KCNIP1: variants seen among roughly 807,000 people sequenced by gnomAD.
KCNIP1 encodes the protein A-type potassium channel modulatory protein KCNIP1.
KCNIP1 carries 18 observed loss-of-function variants against 33.0 expected under a neutral mutation model. That is an observed-to-expected ratio of 0.55 (90% CI 0.38 to 0.81). The LOEUF is 0.81. Among genes scored for constraint, KCNIP1 ranks in the 30% least tolerant of loss-of-function variants. The pLI is 0.00. For synonymous variants in KCNIP1, 93 were observed against 98.3 expected (o/e 0.95, Z 0.32); for missense variants, 238 against 271.6 (o/e 0.88, Z 0.87).
chr5:170,702,558 C>T (rs572396992), intron 1 of KCNIP1, among the ~76,000 whole-genome samples: 1 of 152,266 alleles, frequency 6.6e-6, no homozygotes, highest in Non-Finnish European at 1.5e-5. Flanking sequence ...TTCCCTCCTG[C>T]CCCCTCAGTA....
At chr5:170,688,381 T>C (rs1762612337) in intron 1 of KCNIP1, among the ~76,000 whole-genome samples, 2 of 152,238 alleles carry the variant, frequency 1.3e-5, no homozygotes, top group South Asian at 4.1e-4. Context: ...TTGGAATGTA[T>C]TTTGGTACAT....
chr5:170,410,257 CA>C, intron 1 of KCNIP1, among the ~76,000 whole-genome samples: 2 of 151,246 alleles, frequency 1.3e-5, no homozygotes, highest in African/African-American at 4.9e-5. Context: ...GTCCCCCACA[CA>C]GGGGATCGCA....
At chr5:170,462,213 A>G (rs1383377551) in intron 1 of KCNIP1, among the ~76,000 whole-genome samples, 2 of 147,748 alleles carry the variant, frequency 1.4e-5, no homozygotes, top group Admixed American at 1.4e-4. Context: ...CAATCTATAC[A>G]TCTGACCAAG....
chr5:170,592,122 G>A (rs2113554980), intron 1 of KCNIP1, among the ~76,000 whole-genome samples: 1 of 152,264 alleles, frequency 6.6e-6, no homozygotes, highest in Non-Finnish European at 1.5e-5. Context: ...ATTTTCTGTT[G>A]CTGCTGTTTG....
At chr5:170,563,378 A>G (rs1421168612) in intron 1 of KCNIP1, among the ~76,000 whole-genome samples, 1 of 152,066 alleles carries the variant, frequency 6.6e-6, no homozygotes, top group East Asian at 1.9e-4. Context: ...CGGGCCCACA[A>G]TCCTCATGCC....
chr5:170,566,484 T>C (rs1234072326), intron 1 of KCNIP1, among the ~76,000 whole-genome samples: 5 of 152,344 alleles, frequency 3.3e-5, no homozygotes, highest in South Asian at 4.1e-4. Context: ...TTCAGTGACT[T>C]GTCCAAGGTC....
chr5:170,603,382 G>A (rs1027192857), intron 1 of KCNIP1, among the ~76,000 whole-genome samples: 17 of 152,202 alleles, frequency 1.1e-4, no homozygotes, highest in African/African-American at 3.9e-4. Flanking sequence ...AGAGCCCTGA[G>A]CTCAGACTCA....
intron 1 of KCNIP1, among the ~76,000 whole-genome samples, chr5:170,473,557 G>C (rs1756783816): frequency 6.6e-6 from 1 of 152,084 alleles, no homozygotes; most frequent in South Asian, 2.1e-4. Context: ...AATAATCAAA[G>C]CAACCTCACA....
rs555162952 is a variant in KCNIP1 at position 170,525,412 on chromosome 5, C to G, written c.61+20779C>G. On this transcript the variant is annotated intron_variant, in intron 1 of 7. Transcript: ENST00000328939. The stretch of plus-strand genomic sequence containing the variant: ...TCTGCATTAAAGCATTTAGGTAGTG[C>G]CTGAGATTTAGCAAAGGCTCAATCA... Among the ~76,000 whole-genome samples the G allele has an allele frequency of 5.3e-5, 8 of 152,316 alleles. No individual in the cohort carries two copies. In the South Asian group the frequency reaches 1.7e-3, roughly 32 times the overall value.
At chr5:170,471,848 G>T (rs185291490) in intron 1 of KCNIP1, among the ~76,000 whole-genome samples, 317 of 152,234 alleles carry the variant, frequency 2.1e-3, no homozygotes, top group Non-Finnish European at 3.7e-3. Flanking sequence ...AAATTTCTTG[G>T]TGTTCATTTT....
intron 1 of KCNIP1, among the ~76,000 whole-genome samples, chr5:170,605,188 G>A (rs1313027182): frequency 6.6e-6 from 1 of 151,152 alleles, no homozygotes; most frequent in East Asian, 2.0e-4. Flanking sequence ...CCAGCCACCT[G>A]CCCACCCTCC....
intron 1 of KCNIP1, among the ~76,000 whole-genome samples, chr5:170,689,388 A>C (rs1395136246): frequency 6.6e-6 from 1 of 152,238 alleles, no homozygotes; most frequent in Non-Finnish European, 1.5e-5. Flanking sequence ...ATGCATGGTC[A>C]TATGTCCCTT....
intron 1 of KCNIP1, among the ~76,000 whole-genome samples, chr5:170,655,762 T>C (rs1404611942): frequency 6.6e-6 from 1 of 152,146 alleles, no homozygotes; most frequent in Admixed American, 6.5e-5. Context: ...TTGGGGAAAT[T>C]TTGTTCCCCC....
At chr5:170,556,111 C>T (rs1397880398) in intron 1 of KCNIP1, among the ~76,000 whole-genome samples, 5 of 152,216 alleles carry the variant, frequency 3.3e-5, no homozygotes, top group Non-Finnish European at 7.3e-5. Context: ...ACAGGAACCA[C>T]GTCCGTACAT....
In KCNIP1 at chr5:170,649,911, T is replaced by C. The variant is rs190532903; in HGVS notation, c.62-68847T>C. 1.5e-3 allele frequency among the ~76,000 whole-genome samples: 232 copies of C among 152,178 alleles called. 1 individual carries two copies. The highest frequency in any genetic ancestry group is 5.3e-3 in the African/African-American group (218 of 41,490). On this transcript the variant is annotated intron_variant, in intron 1 of 7. Transcript: ENST00000328939. ...TGGAAAATAAGCCAGAGAGGCTCGG[T>C]TGTTCTTCATAACAAAAAGAAGTTG...
At chr5:170,682,155 C>G (rs1180013231) in intron 1 of KCNIP1, among the ~76,000 whole-genome samples, 1 of 152,158 alleles carries the variant, frequency 6.6e-6, no homozygotes, top group Non-Finnish European at 1.5e-5. Context: ...AGACCAGAAA[C>G]TGAAGTGTAA....
At chr5:170,631,065 C>T (rs1272025190) in intron 1 of KCNIP1, among the ~76,000 whole-genome samples, 2 of 152,082 alleles carry the variant, frequency 1.3e-5, no homozygotes, top group Non-Finnish European at 2.9e-5. Flanking sequence ...CAGGTGACTC[C>T]AACCAGATGA....
At chr5:170,456,090 A>C (rs530797424) in intron 1 of KCNIP1, among the ~76,000 whole-genome samples, 6 of 152,266 alleles carry the variant, frequency 3.9e-5, no homozygotes, top group African/African-American at 1.4e-4. Flanking sequence ...CTGGACAAAG[A>C]AAATGTGGCA....
chr5:170,414,713 CA>C (rs1394629380), intron 1 of KCNIP1, among the ~76,000 whole-genome samples: 1 of 152,240 alleles, frequency 6.6e-6, no homozygotes, highest in Admixed American at 6.5e-5. Context: ...ATCCAAGTTT[CA>C]GGAACTTACA....
Sources: gnomAD v4.1 joint callset for allele counts (sites outside exome capture counted in the v4.1 genomes callset) on GRCh38, gnomAD v4.1.1 for gene constraint, MANE v1.5 for transcripts, NCBI Gene and HGNC (gene_info 2026-07-23, HGNC 2026-07-21) for gene names.